The following ADSS1 variants were observed in gnomAD, a reference collection of about 807,000 sequenced individuals.
The protein encoded by ADSS1 is adenylosuccinate synthetase isozyme 1.
In ADSS1, 57 loss-of-function variants were observed where a neutral mutation model predicts 59.1. The observed-to-expected ratio is 0.97, with a 90% CI of 0.78 to 1.20. ADSS1 has a LOEUF of 1.20. Among genes scored for constraint, ADSS1 ranks in the 50% most tolerant of loss-of-function variants. ADSS1 has a pLI of 0.00. For missense variants in ADSS1, 603 were observed against 610.3 expected, an observed-to-expected ratio of 0.99 and a Z score of 0.13; for synonymous variants, 247 against 249.4, an observed-to-expected ratio of 0.99 and a Z score of 0.09.
rs1891368881 is a variant in ADSS1 at position 104,741,822 on chromosome 14, C to T, written c.794-26C>T. On this transcript the variant is annotated intron_variant, in intron 8 of 12. Transcript: ENST00000330877. ...ATAATCTACAGGGGGTGACAGGTAG[C>T]CCCCTAAACCTGCTCTGTCTTGCAG... The T allele has an allele frequency of 1.9e-6, 3 of 1,610,548 alleles. No individual in the cohort carries two copies. In the Admixed American group the frequency reaches 5.0e-5, roughly 27 times the overall value.
At position 104,740,036 on chromosome 14, in the gene ADSS1, A is replaced by C. The variant is rs1214039809; in HGVS notation, c.476+220A>C. On this transcript the variant is annotated intron_variant, in intron 5 of 12. Transcript: ENST00000330877. The surrounding 1 kb of genome is among the most constrained non-coding windows in gnomAD (Gnocchi z 4.8). ...TTGCACACTGTCCTTGCCGGCTGCC[A>C]CTGCCACGCGGCTCCCCCCAGGAGT... Among the ~76,000 whole-genome samples, 1 of 152,130 alleles carries C rather than the reference A, an allele frequency of 6.6e-6. No individual in the cohort carries two copies. Among genetic ancestry groups the C allele is most frequent in the African/African-American group, 2.4e-5 (1 of 41,410 alleles).
intron 1 of ADSS1, among the ~76,000 whole-genome samples, chr14:104,732,874 A>G (rs1890980262): frequency 6.6e-6 from 1 of 152,186 alleles, no homozygotes; most frequent in Non-Finnish European, 1.5e-5. Flanking sequence ...GAATTACCAC[A>G]TATGTGCCGA....
intron 3 of ADSS1, 123 bp from the exon 4 acceptor site, chr14:104,739,205 A>C (rs962005447): frequency 2.9e-5 from 29 of 987,984 alleles, no homozygotes; most frequent in Non-Finnish European, 4.1e-5. Flanking sequence ...TGGCCCTGTC[A>C]GCCTCCTCCC....
intron 2 of ADSS1, chr14:104,738,163 AT>A: frequency 7.3e-6 from 3 of 408,206 alleles, no homozygotes. Context: ...TGCCAAGATA[AT>A]TTTTTGTATT....
intron 1 of ADSS1, among the ~76,000 whole-genome samples, chr14:104,725,431 G>A (rs1392139868): frequency 6.6e-6 from 1 of 152,184 alleles, no homozygotes; most frequent in African/African-American, 2.4e-5. Context: ...CCCTTCTCCG[G>A]GTTCTGTGGC....
At chr14:104,739,934 C>G (rs1044616946) in intron 5 of ADSS1, 118 bp downstream of exon 5, 1 of 1,109,022 alleles carries the variant, frequency 9.0e-7, no homozygotes, top group Non-Finnish European at 1.3e-6. Flanking sequence ...CACTCAAAGC[C>G]CCTGGAGAAT....
intron 3 of ADSS1, 147 bp from the exon 4 acceptor site, chr14:104,739,178 TTGC>T (rs1891238798): frequency 9.3e-6 from 7 of 756,384 alleles, no homozygotes; most frequent in Non-Finnish European, 1.5e-5. Context: ...GGTCTGCCGC[TTGC>T]TGCGCAACAG....
In ADSS1 at chr14:104,741,939, T is replaced by C. The variant is rs1891376433; in HGVS notation, c.885T>C (p.Tyr295=). Reference sequence around the variant, plus strand: ...CCCCGCAGAACATAGGTGACGTGTATGGCGTGGTGAAAGCCTATACCACAC... The same window carrying C: ...CCCCGCAGAACATAGGTGACGTGTACGGCGTGGTGAAAGCCTATACCACAC... ...GIPPQNIGDV[Y]GVVKAYTTRV... The change falls in exon 9 of 13, where the codon TAT becomes TAC. Residue 295 remains tyrosine, a synonymous_variant. Coordinates refer to ENST00000330877, the MANE Select transcript of ADSS1 (RefSeq NM_152328.5). 1.2e-6 allele frequency: 2 copies of C among 1,613,418 alleles called. No homozygotes were observed. Among genetic ancestry groups the C allele is most frequent in the Non-Finnish European group, 8.5e-7 (1 of 1,180,002 alleles).
rs150315593 is a variant in ADSS1, at chr14:104,744,947, G to A, written c.1171+38G>A. 8,966 of 1,586,560 alleles carry A rather than the reference G, an allele frequency of 5.7e-3. 86 individuals are homozygous for A. The highest frequency in any genetic ancestry group is 0.024 in the Admixed American group (1,424 of 59,488). On this transcript the variant is annotated intron_variant, in intron 11 of 12. Coordinates refer to ENST00000330877, the MANE Select transcript of ADSS1 (RefSeq NM_152328.5). Reference sequence around the variant, plus strand: ...GGGCAACCGTTCTGCCTGTTGGGCCGTTTCATGGTATTGGAATAGATAGGA... The same window carrying A: ...GGGCAACCGTTCTGCCTGTTGGGCCATTTCATGGTATTGGAATAGATAGGA...
At chr14:104,743,933 A>G (rs1388495845) in intron 10 of ADSS1, among the ~76,000 whole-genome samples, 1 of 152,250 alleles carries the variant, frequency 6.6e-6, no homozygotes, top group Non-Finnish European at 1.5e-5. Context: ...AGGCAGGGTC[A>G]GCAGTGCTCA....
intron 3 of ADSS1, among the ~76,000 whole-genome samples, chr14:104,739,093 C>T (rs1891232189): frequency 1.3e-5 from 2 of 152,198 alleles, no homozygotes; most frequent in African/African-American, 2.4e-5. Flanking sequence ...CCTGCAGGCA[C>T]GAGAGTGGGC....
At chr14:104,746,878 C>G (rs754638320) in intron 12 of ADSS1, 73 bp from the exon 13 acceptor site, 3 of 1,480,738 alleles carry the variant, frequency 2.0e-6, no homozygotes, top group East Asian at 4.5e-5. Flanking sequence ...CAGAAAGATA[C>G]GACACTAAAG....
intron 1 of ADSS1, among the ~76,000 whole-genome samples, chr14:104,729,021 A>G (rs995305101): frequency 2.0e-5 from 3 of 152,150 alleles, no homozygotes; most frequent in Non-Finnish European, 2.9e-5. Context: ...TGTGGGGAGG[A>G]GAAGGCTCTG....
rs576190004 is a variant in ADSS1 at position 104,747,275 on chromosome 14, G to A, written c.*272G>A. On this transcript the variant is annotated 3_prime_UTR_variant, in exon 13 of 13. Coordinates refer to ENST00000330877, the MANE Select transcript of ADSS1 (RefSeq NM_152328.5). ...GTGTCACATGGTTGCGTGTCCAGCCGAAGCAGTGTAATAAACATCTCCAAT... is the reference window on the plus strand; with the variant it reads ...GTGTCACATGGTTGCGTGTCCAGCCAAAGCAGTGTAATAAACATCTCCAAT... 3.7e-4 allele frequency: 118 copies of A among 315,808 alleles called. No individual in the cohort carries two copies. The East Asian group carries it at 4.2e-3, about 11-fold the overall frequency. 19.6% of individuals were successfully genotyped at this position (315,808 alleles called of 1,614,324 possible).
chr14:104,741,625 A>G (rs1891360990), intron 8 of ADSS1, among the ~76,000 whole-genome samples: 1 of 152,162 alleles, frequency 6.6e-6, no homozygotes, highest in African/African-American at 2.4e-5. Context: ...GCTGTGGGCA[A>G]CTTTCTCCCT....
intron 1 of ADSS1, chr14:104,730,303 G>A: frequency 7.5e-7 from 1 of 1,332,648 alleles, no homozygotes; most frequent in Non-Finnish European, 9.9e-7. Flanking sequence ...AGACCAGCCT[G>A]GCCAAGTGAA....
At chr14:104,731,716 C>T (rs1362973362) in intron 1 of ADSS1, among the ~76,000 whole-genome samples, 2 of 152,222 alleles carry the variant, frequency 1.3e-5, no homozygotes, top group East Asian at 1.9e-4. Flanking sequence ...AGGGCTGTCC[C>T]GTGGCACACA....
intron 1 of ADSS1, chr14:104,730,022 C>T: frequency 1.3e-6 from 2 of 1,590,976 alleles, no homozygotes; most frequent in East Asian, 2.3e-5. Flanking sequence ...TCCAAGGAGT[C>T]TCCAGTTACT....
In ADSS1 at chr14:104,739,112, G is replaced by A. The variant is rs1299681512; in HGVS notation, c.359-216G>A. Among the ~76,000 whole-genome samples, 7 of 152,148 alleles carry A rather than the reference G, an allele frequency of 4.6e-5. No homozygotes were observed. The South Asian group carries it at 8.3e-4, about 18-fold the overall frequency. On this transcript the variant is annotated intron_variant, in intron 3 of 12. Coordinates refer to ENST00000330877, the MANE Select transcript of ADSS1 (RefSeq NM_152328.5). Reference sequence around the variant, plus strand: ...CAGGCACGAGAGTGGGCATCCTGGCGGCGGGGTGGAGTGAGGGTCCGGGAG... The same window carrying A: ...CAGGCACGAGAGTGGGCATCCTGGCAGCGGGGTGGAGTGAGGGTCCGGGAG...
Sources: allele counts gnomAD v4.1 joint callset (sites outside exome capture counted in the v4.1 genomes callset), GRCh38; gene constraint gnomAD v4.1.1; non-coding constraint Gnocchi (gnomAD v3.1); transcripts MANE v1.5; gene names NCBI Gene and HGNC (gene_info 2026-07-23, HGNC 2026-07-21).